Variants in TXNDC5 observed in about 807,000 individuals in gnomAD.
TXNDC5 encodes thioredoxin domain containing 5, also known as thioredoxin domain-containing protein 5.
A neutral mutation model predicts 52.6 loss-of-function variants in TXNDC5; 44 were observed. That is an observed-to-expected ratio of 0.84 (90% CI 0.66 to 1.08). The LOEUF is 1.08. Among genes scored for constraint, TXNDC5 ranks in the 50% least tolerant of loss-of-function variants. TXNDC5 has a pLI of 0.00. For synonymous variants in TXNDC5, 241 were observed against 234.4 expected, an observed-to-expected ratio of 1.03 and a Z score of -0.26; for missense variants, 600 against 565.5, an observed-to-expected ratio of 1.06 and a Z score of -0.62.
intron 8 of TXNDC5, among the ~76,000 whole-genome samples, chr6:7,885,413 T>C (rs760830925): frequency 1.5e-4 from 23 of 152,222 alleles, no homozygotes; most frequent in Non-Finnish European, 2.9e-4. Context: ...GAACCAAGGT[T>C]GTCTGGATCT....
chr6:7,886,473 G>A (rs1452241846), intron 7 of TXNDC5, among the ~76,000 whole-genome samples: 3 of 152,172 alleles, frequency 2.0e-5, no homozygotes, highest in African/African-American at 2.4e-5. Flanking sequence ...ATCCTCAGCC[G>A]CTTTTCTCAC....
At chr6:7,906,514 C>A (rs1230776879) in intron 1 of TXNDC5, among the ~76,000 whole-genome samples, 4 of 111,086 alleles carry the variant, frequency 3.6e-5, no homozygotes, top group Non-Finnish European at 6.6e-5. Context: ...CCAGCCTGGG[C>A]GATAGAGCAA....
At position 7,883,227 on chromosome 6, in the gene TXNDC5, T is replaced by A; in HGVS notation, c.1216A>T (p.Lys406Ter). Residue 406 changes from lysine (K) to a stop codon, truncating the protein, a stop_gained, in exon 10 of 10, where the codon AAG (lysine) becomes TAG (stop). Transcript: ENST00000379757. LOFTEE classifies it high-confidence loss of function. ...CCTCCACTGTGCTCACTGACTTTCT[T>A]CCCTCCTCGGAAAAGCAATAACGTG... ...YPTLLLFRGG[K>*]KVSEHSGGRD... 4.3e-6 allele frequency: 7 copies of A among 1,614,124 alleles called. No homozygotes were observed. Among genetic ancestry groups the A allele is most frequent in the Non-Finnish European group, 5.9e-6 (7 of 1,180,008 alleles).
chr6:7,884,638 C>T, intron 8 of TXNDC5, 150 bp from the exon 9 acceptor site: 1 of 1,071,866 alleles, frequency 9.3e-7, no homozygotes, highest in Non-Finnish European at 1.3e-6. Flanking sequence ...CCACTGGGTG[C>T]ACATTAACTC....
intron 3 of TXNDC5, 36 bp downstream of exon 3, chr6:7,899,540 G>GGAGGGAGA: frequency 6.9e-7 from 1 of 1,451,446 alleles, no homozygotes; most frequent in South Asian, 1.2e-5. Flanking sequence ...AGAGAGGGAG[G>GGAGGGAGA]GAGGGAGGGA....
intron 4 of TXNDC5, 25 bp downstream of exon 4, chr6:7,895,081 G>A (rs1760318186): frequency 6.2e-7 from 1 of 1,609,560 alleles, no homozygotes; most frequent in Non-Finnish European, 8.5e-7. Context: ...ATTCTCTGAA[G>A]CTGGCATCAG....
At chr6:7,893,448 T>TGGGAAGCCAGCAAGGGC (rs1354659748) in intron 4 of TXNDC5, among the ~76,000 whole-genome samples, 19 of 152,084 alleles carry the variant, frequency 1.2e-4, no homozygotes, top group Admixed American at 3.3e-4. Context: ...AGAGTACTGA[T>TGGGAAGCCAGCAAGGGC]GGGAAGCCAG....
intron 1 of TXNDC5, among the ~76,000 whole-genome samples, chr6:7,906,837 A>G (rs750736874): frequency 1.3e-5 from 2 of 152,038 alleles, no homozygotes; most frequent in Non-Finnish European, 2.9e-5. Context: ...TTTGTTCCTC[A>G]GCAGGCCTTG....
intron 8 of TXNDC5, 73 bp downstream of exon 8, chr6:7,885,888 G>T: frequency 7.3e-7 from 1 of 1,378,146 alleles, no homozygotes; most frequent in Non-Finnish European, 1.0e-6. Flanking sequence ...TGGAGGGGTG[G>T]CAGATGAGCT....
At position 7,884,448 on chromosome 6, in the gene TXNDC5, G is replaced by A. The variant is rs1017900281; in HGVS notation, c.1087C>T (p.Leu363Phe). The A allele has an allele frequency of 6.2e-7, 1 of 1,614,102 alleles. No individual in the cohort carries two copies. Among genetic ancestry groups the A allele is most frequent in the Non-Finnish European group, 8.5e-7 (1 of 1,180,002 alleles). ...CKTLAPTWEELSKKEFPGLAG... is the reference protein window; with the variant it reads ...CKTLAPTWEEFSKKEFPGLAG... ...AGACCAGGGAATTCCTTTTTAGAGA[G>A]TTCCTCCCAAGTAGGAGCCAGAGTC... Residue 363 changes from leucine to phenylalanine, a missense_variant, in exon 9 of 10, where the codon CTC becomes TTC. By Grantham distance (22) the Leu-to-Phe change is conservative. Coordinates refer to ENST00000379757, the MANE Select transcript of TXNDC5 (RefSeq NM_030810.5).
chr6:7,904,962 T>C (rs1006525149), intron 1 of TXNDC5, among the ~76,000 whole-genome samples: 3 of 152,184 alleles, frequency 2.0e-5, no homozygotes, highest in African/African-American at 7.2e-5. Context: ...TAGCAAAGTG[T>C]TGTTCTGGAT....
chr6:7,909,934 G>A, intron 1 of TXNDC5: 2 of 986,076 alleles, frequency 2.0e-6, no homozygotes, highest in Non-Finnish European at 2.4e-6. Flanking sequence ...GTGGCCCACG[G>A]GCAGGCCGCG....
intron 7 of TXNDC5, among the ~76,000 whole-genome samples, chr6:7,886,420 G>A (rs1423960749): frequency 2.0e-5 from 3 of 152,186 alleles, no homozygotes; most frequent in African/African-American, 4.8e-5. Flanking sequence ...ACTTGAGTCT[G>A]CACCTCTAAG....
intron 1 of TXNDC5, among the ~76,000 whole-genome samples, chr6:7,908,629 C>T (rs961108736): frequency 3.3e-5 from 5 of 151,950 alleles, no homozygotes; most frequent in Admixed American, 6.6e-5. Flanking sequence ...TGAGACCAGC[C>T]CCGGCAACAT....
chr6:7,889,227 T>G, intron 6 of TXNDC5: 1 of 472,480 alleles, frequency 2.1e-6, no homozygotes, highest in Non-Finnish European at 3.8e-6. Flanking sequence ...AAGGTTTGTG[T>G]TTACAACCAG....
At chr6:7,888,516 G>A (rs75797788) in intron 7 of TXNDC5, among the ~76,000 whole-genome samples, 189 bp downstream of exon 7, 2,869 of 152,176 alleles carry the variant, frequency 0.019, 93 homozygotes, top group African/African-American at 0.064. Flanking sequence ...GTTTGCATTC[G>A]CCCCTGAAAG....
intron 2 of TXNDC5, 71 bp from the exon 3 acceptor site, chr6:7,899,752 G>C: frequency 8.2e-7 from 1 of 1,226,340 alleles, no homozygotes; most frequent in South Asian, 1.4e-5. Flanking sequence ...CTCATTTAGT[G>C]AAACAATCAG....
intron 7 of TXNDC5, among the ~76,000 whole-genome samples, chr6:7,887,706 C>T (rs1760042159): frequency 6.6e-6 from 1 of 152,158 alleles, no homozygotes; most frequent in African/African-American, 2.4e-5. Context: ...ATATGGGATA[C>T]AGTTCCTAAT....
chr6:7,884,254 T>G, intron 9 of TXNDC5, 105 bp downstream of exon 9: 2 of 1,468,836 alleles, frequency 1.4e-6, no homozygotes, highest in Non-Finnish European at 1.9e-6. Context: ...AAAACCACAT[T>G]GTTGAGAAGA....
Sources: gnomAD v4.1 joint callset for allele counts (sites outside exome capture counted in the v4.1 genomes callset) on GRCh38, gnomAD v4.1.1 for gene constraint, MANE v1.5 for transcripts, NCBI Gene and HGNC (gene_info 2026-07-23, HGNC 2026-07-21) for gene names.